DGLUCY: variants seen among roughly 807,000 people sequenced by gnomAD.
The protein encoded by DGLUCY is D-glutamate cyclase, mitochondrial.
A neutral mutation model predicts 58.5 loss-of-function variants in DGLUCY; 58 were observed. The observed-to-expected ratio is 0.99, with a 90% CI of 0.80 to 1.23. The LOEUF (loss-of-function observed/expected upper bound fraction) is 1.23. Ranked by LOEUF, DGLUCY falls within the 50% of genes most tolerant of loss-of-function variation. The pLI is 0.00. For synonymous variants in DGLUCY, 325 were observed against 314.1 expected, an observed-to-expected ratio of 1.03 and a Z score of -0.37; for missense variants, 779 against 784.7, an observed-to-expected ratio of 0.99 and a Z score of 0.09.
chr14:91,158,215 C>T (rs2047774612), intron 2 of DGLUCY, among the ~76,000 whole-genome samples: 1 of 152,206 alleles, frequency 6.6e-6, no homozygotes, highest in Non-Finnish European at 1.5e-5. Context: ...GCTTGCCAGG[C>T]CCAGGCGTTA....
chr14:91,162,001 G>C (rs2140353981), intron 3 of DGLUCY, among the ~76,000 whole-genome samples: 1 of 152,222 alleles, frequency 6.6e-6, no homozygotes, highest in Middle Eastern at 3.4e-3. Flanking sequence ...GAGCAGAGCA[G>C]CCAGGGTCTT....
intron 12 of DGLUCY, among the ~76,000 whole-genome samples, chr14:91,215,180 A>G (rs1306176029): frequency 1.3e-5 from 2 of 152,130 alleles, no homozygotes; most frequent in African/African-American, 4.8e-5. Flanking sequence ...AATAAATACA[A>G]ATAAAGAAAA....
rs140567171 is a variant in DGLUCY at position 91,211,319 on chromosome 14, T to A, written c.1565-4086T>A. On this transcript the variant is annotated intron_variant, in intron 12 of 13. Transcript: ENST00000256324. ...ATCCCAGTAAGTTATTTTGTGGATA[T>A]CAACAACCTGATTCTAAAGTTTATA... 4.0e-3 allele frequency among the ~76,000 whole-genome samples: 607 copies of A among 152,302 alleles called. 4 individuals carry two copies. The highest frequency in any genetic ancestry group is 0.014 in the African/African-American group (572 of 41,562).
intron 12 of DGLUCY, among the ~76,000 whole-genome samples, chr14:91,206,463 A>T (rs1884720673): frequency 6.6e-6 from 1 of 152,082 alleles, no homozygotes; most frequent in South Asian, 2.1e-4. Context: ...GCTCACTGCA[A>T]CTTCTGCCTC....
intron 13 of DGLUCY, chr14:91,215,834 G>A: frequency 9.3e-7 from 1 of 1,079,100 alleles, no homozygotes; most frequent in East Asian, 4.3e-5. Context: ...TTCTTCATCT[G>A]TAAAATGGGG....
intron 13 of DGLUCY, among the ~76,000 whole-genome samples, chr14:91,218,755 C>T (rs1275337399): frequency 6.6e-6 from 1 of 152,138 alleles, no homozygotes; most frequent in Non-Finnish European, 1.5e-5. Flanking sequence ...TGTTGAGCCC[C>T]GCCCCTGGGC....
intron 1 of DGLUCY, among the ~76,000 whole-genome samples, chr14:91,092,197 T>C (rs1302019867): frequency 6.6e-6 from 1 of 152,256 alleles, no homozygotes; most frequent in Admixed American, 6.5e-5. Flanking sequence ...GATCTTATGC[T>C]GACACATTCT....
chr14:91,119,683 G>T (rs1400584130), intron 1 of DGLUCY, among the ~76,000 whole-genome samples: 1 of 152,156 alleles, frequency 6.6e-6, no homozygotes, highest in Non-Finnish European at 1.5e-5. Context: ...AGGATGTAAA[G>T]TCTTGTTCCT....
At chr14:91,208,287 A>G (rs1476791890) in intron 12 of DGLUCY, among the ~76,000 whole-genome samples, 5 of 152,248 alleles carry the variant, frequency 3.3e-5, no homozygotes, top group Non-Finnish European at 5.9e-5. Flanking sequence ...AAGGAAGAGT[A>G]TCAGTGAATA....
At chr14:91,167,619 T>C in intron 4 of DGLUCY, 2 of 713,362 alleles carry the variant, frequency 2.8e-6, no homozygotes, top group Non-Finnish European at 5.1e-6. Context: ...AGTCCAGCCC[T>C]GGAGAAATCC....
At chr14:91,101,571 CA>C (rs2044487669) in intron 1 of DGLUCY, among the ~76,000 whole-genome samples, 3 of 152,224 alleles carry the variant, frequency 2.0e-5, no homozygotes, top group African/African-American at 7.2e-5. Context: ...CTGCTGGTCA[CA>C]CCCTAACACT....
At chr14:91,174,022 C>G (rs372135358) in intron 6 of DGLUCY, among the ~76,000 whole-genome samples, 34 of 152,030 alleles carry the variant, frequency 2.2e-4, no homozygotes, top group Admixed American at 9.8e-4. Context: ...TTGGGACTTT[C>G]AGCTCCACCC....
intron 1 of DGLUCY, among the ~76,000 whole-genome samples, chr14:91,155,136 T>C (rs1160067301): frequency 6.6e-6 from 1 of 152,230 alleles, no homozygotes; most frequent in African/African-American, 2.4e-5. Flanking sequence ...GTTAACTATT[T>C]ACTTTTCTAT....
At chr14:91,165,947 G>C (rs1032416804) in intron 3 of DGLUCY, among the ~76,000 whole-genome samples, 12 of 152,228 alleles carry the variant, frequency 7.9e-5, no homozygotes, top group African/African-American at 2.9e-4. Flanking sequence ...CTACTCAGAT[G>C]TCCATTAGCA....
rs148626658 is a variant in DGLUCY, at chr14:91,130,411, C to T, written c.-82+16128C>T. On this transcript the variant is annotated intron_variant, in intron 1 of 13. Transcript: ENST00000256324. ...CAACCTCCGCCTCCTGGGTTCAAGC[C>T]ATTCTCCTGCCTCAGCCTCCCGAGT... Among the ~76,000 whole-genome samples, 809 of 151,630 alleles carry T rather than the reference C, an allele frequency of 5.3e-3. 3 individuals are homozygous for T. Among genetic ancestry groups the T allele is most frequent in the Admixed American group, 0.01 (156 of 15,218 alleles).
intron 12 of DGLUCY, among the ~76,000 whole-genome samples, chr14:91,205,484 T>G (rs996816620): frequency 2.6e-5 from 4 of 152,102 alleles, no homozygotes; most frequent in Non-Finnish European, 5.9e-5. Context: ...CACTTCATGA[T>G]CATAGCCTGG....
upstream of DGLUCY, among the ~76,000 whole-genome samples, chr14:91,111,822 A>G (rs139800371): frequency 4.0e-4 from 61 of 152,388 alleles, no homozygotes; most frequent in African/African-American, 1.5e-3. Context: ...TGTAGCATGT[A>G]TAGGAATTTC....
intron 1 of DGLUCY, among the ~76,000 whole-genome samples, chr14:91,153,472 C>T (rs1465368841): frequency 4.6e-5 from 7 of 152,136 alleles, no homozygotes; most frequent in Non-Finnish European, 8.8e-5. Context: ...CGTGAGGCAC[C>T]GCACCCGGCT....
intron 1 of DGLUCY, among the ~76,000 whole-genome samples, chr14:91,154,580 G>A (rs2047508606): frequency 6.6e-6 from 1 of 152,182 alleles, no homozygotes; most frequent in South Asian, 2.1e-4. Flanking sequence ...CAAAATGAGA[G>A]GCAGGCTTGC....
Sources: allele counts gnomAD v4.1 joint callset (sites outside exome capture counted in the v4.1 genomes callset), GRCh38; gene constraint gnomAD v4.1.1; transcripts MANE v1.5; gene names NCBI Gene and HGNC (gene_info 2026-07-23, HGNC 2026-07-21).